Variants in KDM5B observed in about 807,000 individuals in gnomAD.
The protein encoded by KDM5B is lysine-specific demethylase 5B.
A neutral mutation model predicts 193.4 loss-of-function variants in KDM5B; 144 were observed. The ratio of observed to expected loss-of-function variants is 0.74; its 90% CI spans 0.65 to 0.86. The LOEUF (loss-of-function observed/expected upper bound fraction) is 0.86, where lower values mean the gene tolerates loss of function less well. Ranked by LOEUF, KDM5B falls within the 40% of genes least tolerant of loss-of-function variation. KDM5B has a pLI of 0.00. For missense variants in KDM5B, 1,833 were observed against 1,886.9 expected (o/e 0.97, Z 0.53); for synonymous variants, 668 against 682.6 (o/e 0.98, Z 0.33).
chr1:202,779,874 A>C lies in KDM5B; in HGVS notation c.205-2780T>G, dbSNP rs150686235. Among the ~76,000 whole-genome samples the C allele has an allele frequency of 6.7e-3, 1,016 of 151,978 alleles. 14 individuals carry two copies. The highest frequency in any genetic ancestry group is 0.024 in the African/African-American group (985 of 41,504). ...AATAAAGGAAGAAAAAACAAAATACATGAATGAAATTAACTGCAGCATTAC... is the reference window on the plus strand; with the variant it reads ...AATAAAGGAAGAAAAAACAAAATACCTGAATGAAATTAACTGCAGCATTAC... On this transcript the variant is annotated intron_variant, in intron 1 of 26. Transcript: ENST00000367265.
chr1:202,808,300 C>T lies in KDM5B; in HGVS notation c.6G>A (p.Glu2=), dbSNP rs2102361672. The part of the protein sequence containing the change: M[E]AATTLHPGPR... ...GGCCTGGGTGCAGTGTGGTGGCCGC[C>T]TCCATCACCGCAGGCTGGGCAAGGG... is the stretch of plus-strand genomic sequence containing the variant. Residue 2 remains glutamate (E), a synonymous_variant, in exon 1 of 27, where the codon GAG becomes GAA. Coordinates refer to ENST00000367265, the MANE Select transcript of KDM5B (RefSeq NM_006618.5). 6.3e-7 allele frequency: 1 copy of T among 1,595,540 alleles called. No individual in the cohort carries two copies.
chr1:202,800,793 G>A (rs187279746), intron 1 of KDM5B, among the ~76,000 whole-genome samples: 2 of 152,314 alleles, frequency 1.3e-5, no homozygotes, highest in East Asian at 3.9e-4. Context: ...ATGAAGTGAT[G>A]TTAGCAGAGA....
rs1655969938 is a variant in KDM5B at position 202,755,442 on chromosome 1, T to A, written c.1367A>T (p.Asp456Val). 6.2e-7 allele frequency: 1 copy of A among 1,612,222 alleles called. No individual in the cohort carries two copies. Among genetic ancestry groups the A allele is most frequent in the Non-Finnish European group, 8.5e-7 (1 of 1,178,568 alleles). The change falls in exon 11 of 27, where the codon GAT (aspartate) becomes GTT (valine). Residue 456 changes from aspartate to valine, a missense_variant. Physicochemically the swap from Asp to Val is radical, Grantham distance 152. This residue lies in a region of KDM5B where 1,379 missense variants were observed against 1,349.6 expected (regional missense o/e 1.02). Transcript: ENST00000367265. Reference protein sequence around the residue: ...KLSPEEEEYLDSGWNLNNMPV... With the variant: ...KLSPEEEEYLVSGWNLNNMPV... ...CATGTTGTTCAAATTCCAGCCACTA[T>A]CAAGATACTCCTAAAAATAAGAAGA... is the stretch of plus-strand genomic sequence containing the variant.
At position 202,742,598 on chromosome 1, in the gene KDM5B, C is replaced by A. The variant is rs932634862; in HGVS notation, c.2474+57G>T. The A allele has an allele frequency of 1.1e-5, 17 of 1,608,768 alleles. No individual in the cohort carries two copies. The African/African-American group carries it at 1.9e-4, about 18-fold the overall frequency. Reference sequence around the variant, plus strand: ...CAGAAATTCAAGACAGGAGTCACAACAGGTTTCCAAACATAGGTGCCAAAG... The same window carrying A: ...CAGAAATTCAAGACAGGAGTCACAAAAGGTTTCCAAACATAGGTGCCAAAG... On this transcript the variant is annotated intron_variant, in intron 17 of 26. Coordinates refer to ENST00000367265, the MANE Select transcript of KDM5B (RefSeq NM_006618.5).
chr1:202,797,519 C>T (rs954489604), intron 1 of KDM5B, among the ~76,000 whole-genome samples: 1 of 152,156 alleles, frequency 6.6e-6, no homozygotes, highest in Non-Finnish European at 1.5e-5. Flanking sequence ...GATGGTGGCT[C>T]TTGTCCTAAA....
chr1:202,807,963 C>G (rs1338815896), intron 1 of KDM5B, 139 bp downstream of exon 1: 1 of 838,058 alleles, frequency 1.2e-6, no homozygotes, highest in Non-Finnish European at 1.8e-6. Flanking sequence ...CAACTCCGAC[C>G]TTCTAGGCAG....
chr1:202,732,832 T>C (rs1305789641), intron 23 of KDM5B, among the ~76,000 whole-genome samples: 2 of 152,202 alleles, frequency 1.3e-5, no homozygotes, highest in Non-Finnish European at 2.9e-5. Flanking sequence ...CAGCCACCTA[T>C]GGAAGATAAC....
intron 1 of KDM5B, among the ~76,000 whole-genome samples, chr1:202,806,162 A>T (rs1658283996): frequency 6.6e-6 from 1 of 152,194 alleles, no homozygotes. Flanking sequence ...TTTCAGAAAA[A>T]GGGCCCTCTA....
intron 1 of KDM5B, among the ~76,000 whole-genome samples, chr1:202,793,559 T>G (rs1204416101): frequency 6.6e-6 from 1 of 152,192 alleles, no homozygotes; most frequent in Non-Finnish European, 1.5e-5. Context: ...AAAATAGTCA[T>G]GACCCTCCTT....
chr1:202,797,880 T>C (rs1446117873), intron 1 of KDM5B, among the ~76,000 whole-genome samples: 3 of 152,250 alleles, frequency 2.0e-5, no homozygotes. Context: ...TTTTAAAACA[T>C]GTTAATCTCA....
chr1:202,735,654 C>G, intron 21 of KDM5B, 67 bp from the exon 22 acceptor site: 1 of 1,443,122 alleles, frequency 6.9e-7, no homozygotes, highest in Non-Finnish European at 9.6e-7. Context: ...TAGGAAGTCC[C>G]AAAATAAAAG....
intron 4 of KDM5B, among the ~76,000 whole-genome samples, chr1:202,772,515 T>C (rs1407077404): frequency 1.3e-5 from 2 of 152,192 alleles, no homozygotes; most frequent in East Asian, 3.8e-4. Context: ...AGGAATACTT[T>C]AGCTACTTTA....
rs925752384 is a variant in KDM5B, at chr1:202,727,693, T to C, written c.*1343A>G. On this transcript the variant is annotated 3_prime_UTR_variant, in exon 27 of 27. Coordinates refer to ENST00000367265, the MANE Select transcript of KDM5B (RefSeq NM_006618.5). ...ATGGGCTATCCACAGCCAGTAATGA[T>C]AGCTACAGTTAGAAAGAAATGAGAA... The C allele has an allele frequency of 6.6e-6, 1 of 152,544 alleles. No individual in the cohort carries two copies. Among genetic ancestry groups the C allele is most frequent in the Non-Finnish European group, 1.5e-5 (1 of 68,030 alleles). The allele number at this position is 152,544 out of a possible 1,614,324, so 9.4% of individuals were successfully genotyped here. A position where few individuals can be genotyped will look rare whatever the true frequency, so the allele number is the denominator to read the frequency against.
Position 202,729,841 on chromosome 1 carries a change from GCT to G in KDM5B, c.4361_4362del (p.Glu1454AlafsTer2). ...KDMNNFKLER[E>X]RSYELVRSAE... Reference sequence around the variant, plus strand: ...GCAGAACGAACTAATTCATAGCTACGCTCTCTCTCTAACTTGAAATTGTTCAT... The same window carrying G: ...GCAGAACGAACTAATTCATAGCTACGCTCTCTCTAACTTGAAATTGTTCAT... On this transcript the variant is annotated frameshift_variant, in exon 26 of 27. Transcript: ENST00000367265. LOFTEE classifies it high-confidence loss of function. 6.2e-7 allele frequency: 1 copy of G among 1,614,090 alleles called. No individual in the cohort carries two copies. Among genetic ancestry groups the G allele is most frequent in the Non-Finnish European group, 8.5e-7 (1 of 1,179,980 alleles).
chr1:202,772,328 T>C (rs1481228800), intron 4 of KDM5B, among the ~76,000 whole-genome samples: 1 of 152,228 alleles, frequency 6.6e-6, no homozygotes, highest in Non-Finnish European at 1.5e-5. Context: ...AATACCATTT[T>C]GTCAGAAATG....
intron 4 of KDM5B, among the ~76,000 whole-genome samples, chr1:202,771,633 G>A (rs1294603720): frequency 6.6e-6 from 1 of 151,640 alleles, no homozygotes; most frequent in Non-Finnish European, 1.5e-5. Flanking sequence ...CCAGGCTGGA[G>A]TGCAGTGGCA....
intron 20 of KDM5B, among the ~76,000 whole-genome samples, chr1:202,740,135 C>CAGCTGGCCGGGCAGAGG (rs1655257047): frequency 2.3e-5 from 3 of 132,880 alleles, no homozygotes; most frequent in Admixed American, 2.3e-4. Context: ...CCGGACGGGG[C>CAGCTGGCCGGGCAGAGG]GGCTGGCCGG....
intron 1 of KDM5B, among the ~76,000 whole-genome samples, chr1:202,793,257 T>G (rs145558897): frequency 8.5e-5 from 13 of 152,312 alleles, no homozygotes; most frequent in African/African-American, 3.1e-4. Flanking sequence ...ATATGTTGCT[T>G]TTGTTTTTGT....
At chr1:202,777,646 C>T (rs1445312236) in intron 1 of KDM5B, among the ~76,000 whole-genome samples, 3 of 151,998 alleles carry the variant, frequency 2.0e-5, no homozygotes, top group Non-Finnish European at 4.4e-5. Flanking sequence ...GTGAACACTA[C>T]CACACTCAGC....
Sources: allele counts gnomAD v4.1 joint callset (sites outside exome capture counted in the v4.1 genomes callset), GRCh38; gene constraint gnomAD v4.1.1; regional missense constraint gnomAD v4.1.1; transcripts MANE v1.5; gene names NCBI Gene and HGNC (gene_info 2026-07-23, HGNC 2026-07-21).